The following BIN3 variants were observed in gnomAD, a reference collection of about 807,000 sequenced individuals.
BIN3 encodes the protein bridging integrator 3.
Under a neutral mutation model 38.2 loss-of-function variants are expected in BIN3, and 41 were observed. The observed-to-expected ratio is 1.07, with a 90% confidence interval of 0.84 to 1.39. The LOEUF (loss-of-function observed/expected upper bound fraction) is 1.39. Among genes scored for constraint, BIN3 ranks in the 40% most tolerant of loss-of-function variants. BIN3 has a pLI of 0.00. For synonymous variants in BIN3, 145 were observed against 122.6 expected (o/e 1.18, Z -1.21); for missense variants, 361 against 324.3 (o/e 1.11, Z -0.87).
At chr8:22,624,076 ACT>A (rs758200665) in intron 7 of BIN3, 27 bp from the exon 8 acceptor site, 37 of 1,513,674 alleles carry the variant, frequency 2.4e-5, no homozygotes, top group South Asian at 1.8e-4. Context: ...GGGTGTCAAA[ACT>A]CTCTCACTGC....
intron 1 of BIN3, among the ~76,000 whole-genome samples, chr8:22,666,276 C>A (rs962084072): frequency 6.6e-6 from 1 of 151,156 alleles, no homozygotes; most frequent in Non-Finnish European, 1.5e-5. Context: ...CCTGAGTATA[C>A]ACTGGAAGAT....
intron 2 of BIN3, 70 bp from the exon 3 acceptor site, chr8:22,637,032 G>A: frequency 7.1e-7 from 1 of 1,416,576 alleles, no homozygotes; most frequent in Admixed American, 1.8e-5. Context: ...CCAGCCTCCT[G>A]AAACTCTCTC....
intron 1 of BIN3, among the ~76,000 whole-genome samples, chr8:22,645,680 A>G (rs557285992): frequency 3.3e-5 from 5 of 150,528 alleles, no homozygotes; most frequent in Non-Finnish European, 7.4e-5. Context: ...GCAAACTCAG[A>G]AATTACAGAC....
chr8:22,644,336 C>T (rs1054471402), intron 2 of BIN3, among the ~76,000 whole-genome samples: 1 of 152,250 alleles, frequency 6.6e-6, no homozygotes. Flanking sequence ...GCCGAGGCCA[C>T]TGGGAAAAGC....
At chr8:22,640,854 A>G (rs1299511973) in intron 2 of BIN3, among the ~76,000 whole-genome samples, 1 of 152,146 alleles carries the variant, frequency 6.6e-6, no homozygotes, top group African/African-American at 2.4e-5. Context: ...AGGTCTCACA[A>G]TGAAGCTGAG....
chr8:22,641,028 G>C (rs1370658419), intron 2 of BIN3, among the ~76,000 whole-genome samples: 3 of 152,194 alleles, frequency 2.0e-5, no homozygotes, highest in Non-Finnish European at 4.4e-5. Context: ...ACTGGGGAAA[G>C]ATGCACGGGG....
At chr8:22,643,336 CTTTT>C (rs35513451) in intron 2 of BIN3, among the ~76,000 whole-genome samples, 1 of 150,240 alleles carries the variant, frequency 6.7e-6, no homozygotes, top group Non-Finnish European at 1.5e-5. Context: ...CACCCCCCAA[CTTTT>C]TTTTTTAACA....
chr8:22,640,256 C>A (rs551390940), intron 2 of BIN3, among the ~76,000 whole-genome samples: 235 of 152,226 alleles, frequency 1.5e-3, no homozygotes, highest in Non-Finnish European at 2.4e-3. Flanking sequence ...CTGCTCACTG[C>A]AACCTCTGCC....
intron 1 of BIN3, among the ~76,000 whole-genome samples, chr8:22,645,094 G>A (rs2117559097): frequency 6.6e-6 from 1 of 151,324 alleles, no homozygotes; most frequent in East Asian, 2.0e-4. Context: ...AGGCCAAGGA[G>A]TTTGAGGCTG....
chr8:22,628,676 G>A (rs547554923), intron 6 of BIN3, among the ~76,000 whole-genome samples: 10 of 152,328 alleles, frequency 6.6e-5, no homozygotes, highest in Non-Finnish European at 8.8e-5. Context: ...CAGTTCCCCA[G>A]TTCTCTGAGT....
intron 2 of BIN3, among the ~76,000 whole-genome samples, chr8:22,642,262 G>A (rs923693459): frequency 7.3e-5 from 11 of 151,110 alleles, no homozygotes; most frequent in Admixed American, 6.6e-4. Context: ...ACAACAGAGT[G>A]CGTCACTGCT....
In BIN3 at chr8:22,630,491, G is replaced by A. The variant is rs73671219; in HGVS notation, c.248C>T (p.Thr83Met). 4.7e-5 allele frequency: 76 copies of A among 1,613,996 alleles called. No individual in the cohort carries two copies. The African/African-American group carries it at 6.5e-4, about 14-fold the overall frequency. Residue 83 changes from threonine (T) to methionine (M), a missense_variant, in exon 5 of 9, where the codon ACG becomes ATG. Transcript: ENST00000276416. ...EQDQDLLNMV[T>M]ALDTAMKRMD... ...CCGCTTCATGGCCGTGTCCAGGGCC[G>A]TCACCATGTTCAGAAGGTCCTGGTC...
chr8:22,644,539 A>C, intron 2 of BIN3: 1 of 540,006 alleles, frequency 1.9e-6, no homozygotes, highest in South Asian at 2.0e-5. Context: ...AAGGATGATA[A>C]AGAGCCCAGG....
chr8:22,629,980 TCA>T lies in BIN3; in HGVS notation c.320_321del (p.Val107AspfsTer39), dbSNP rs1802134048. 5 of 1,609,514 alleles carry T rather than the reference TCA, an allele frequency of 3.1e-6. No individual in the cohort carries two copies. Among genetic ancestry groups the T allele is most frequent in the South Asian group, 1.1e-5 (1 of 90,098 alleles). ...TTTACTCACTTTTTTAAGGGCTCGA[TCA>T]CAGTCTTCTGGATCTGGTTCACCTG... is the stretch of plus-strand genomic sequence containing the variant. ...QEKVNQIQKT[V>X]IEPLKKFGSV... On this transcript the variant is annotated frameshift_variant, in exon 6 of 9. Coordinates refer to ENST00000276416, the MANE Select transcript of BIN3 (RefSeq NM_018688.6). LOFTEE classifies it high-confidence loss of function.
intron 2 of BIN3, among the ~76,000 whole-genome samples, 153 bp from the exon 3 acceptor site, chr8:22,637,115 G>T (rs779777100): frequency 1.3e-5 from 2 of 152,180 alleles, no homozygotes; most frequent in Non-Finnish European, 2.9e-5. Flanking sequence ...CTCCTGACAC[G>T]GTATTTCTGA....
chr8:22,666,191 T>C (rs1309749703), intron 1 of BIN3, among the ~76,000 whole-genome samples: 2 of 152,018 alleles, frequency 1.3e-5, no homozygotes, highest in African/African-American at 2.4e-5. Context: ...GAGGCTACAA[T>C]TCCTGGAGCC....
intron 2 of BIN3, among the ~76,000 whole-genome samples, chr8:22,641,331 G>A (rs1008045216): frequency 6.6e-6 from 1 of 152,162 alleles, no homozygotes; most frequent in South Asian, 2.1e-4. Flanking sequence ...CAAGGCCCAC[G>A]GTGGGAGGAA....
chr8:22,621,379 G>A lies in BIN3; in HGVS notation c.*43C>T, dbSNP rs1321353241. 1.3e-6 allele frequency: 2 copies of A among 1,588,006 alleles called. No homozygotes were observed. Among genetic ancestry groups the A allele is most frequent in the Non-Finnish European group, 1.7e-6 (2 of 1,166,820 alleles). ...AGCCCTGAGAAGGGCAAGGATGAAT[G>A]AGGCTGACCACGTCACAGGAGTCCT... On this transcript the variant is annotated 3_prime_UTR_variant, in exon 9 of 9. Transcript: ENST00000276416.
rs749354618 is a variant in BIN3 at position 22,669,091 on chromosome 8, A to G, written c.-40T>C. On this transcript the variant is annotated 5_prime_UTR_variant, in exon 1 of 9. Transcript: ENST00000276416. Reference sequence around the variant, plus strand: ...GTCTGCCGCCGGGGTCCTCAGCCACAACTCGTTTCTCTAGGGTCACTTCCG... The same window carrying G: ...GTCTGCCGCCGGGGTCCTCAGCCACGACTCGTTTCTCTAGGGTCACTTCCG... 6.3e-7 allele frequency: 1 copy of G among 1,586,376 alleles called. No homozygotes were observed. Among genetic ancestry groups the G allele is most frequent in the Admixed American group, 1.8e-5 (1 of 56,164 alleles).
Sources: allele counts gnomAD v4.1 joint callset (sites outside exome capture counted in the v4.1 genomes callset), GRCh38; gene constraint gnomAD v4.1.1; transcripts MANE v1.5; gene names NCBI Gene and HGNC (gene_info 2026-07-23, HGNC 2026-07-21).